YPEL1: variants seen among roughly 807,000 people sequenced by gnomAD.
The protein encoded by YPEL1 is yippee like 1.
In YPEL1, 7 loss-of-function variants were observed where a neutral mutation model predicts 17.3. That is an observed-to-expected ratio of 0.40 (90% CI 0.23 to 0.76). The LOEUF is 0.76. Ranked by LOEUF, YPEL1 falls within the 30% of genes least tolerant of loss-of-function variation. YPEL1 has a pLI of 0.35. For missense variants in YPEL1, 91 were observed against 155.5 expected (o/e 0.59, Z 2.21); for synonymous variants, 59 against 59.6 (o/e 0.99, Z 0.05).
chr22:21,714,092 G>C (rs2068197887), intron 1 of YPEL1, among the ~76,000 whole-genome samples: 1 of 150,974 alleles, frequency 6.6e-6, no homozygotes, highest in African/African-American at 2.5e-5. Flanking sequence ...CCTGTCCTGT[G>C]CCCTTCCATG....
At chr22:21,717,115 C>A (rs1223193403) in intron 1 of YPEL1, among the ~76,000 whole-genome samples, 3 of 150,742 alleles carry the variant, frequency 2.0e-5, no homozygotes, top group Non-Finnish European at 4.4e-5. Flanking sequence ...CCTGTAATCC[C>A]AGCACTTTGG....
At chr22:21,702,565 G>T (rs9622002) in intron 4 of YPEL1, among the ~76,000 whole-genome samples, 2,163 of 151,828 alleles carry the variant, frequency 0.014, 48 homozygotes, top group African/African-American at 0.049. Context: ...ACTTTGGGAG[G>T]CTGAGGTGGG....
rs867363252 is a variant in YPEL1, at chr22:21,703,522, C to G, written c.162-44G>C. ...CACTGCGCTGCAGGCCCGGCCCGCC[C>G]CTGACCAGGCCCTGCCCCCTCAGCG... On this transcript the variant is annotated intron_variant, in intron 3 of 4. Coordinates refer to ENST00000339468, the MANE Select transcript of YPEL1 (RefSeq NM_013313.5). This position sits in a 1 kb window ranked among gnomAD's most constrained non-coding sequence, Gnocchi z 6.1. The G allele has an allele frequency of 3.2e-6, 5 of 1,549,904 alleles. No individual in the cohort carries two copies. Among genetic ancestry groups the G allele is most frequent in the Non-Finnish European group, 4.4e-6 (5 of 1,134,236 alleles).
chr22:21,711,062 T>C (rs1038504866), intron 1 of YPEL1, among the ~76,000 whole-genome samples, 154 bp from the exon 2 acceptor site: 7 of 151,578 alleles, frequency 4.6e-5, no homozygotes, highest in Non-Finnish European at 5.9e-5. Context: ...CTCACTCTGT[T>C]GCCCAGGCTG....
chr22:21,709,094 TG>T (rs1233160714), intron 2 of YPEL1, among the ~76,000 whole-genome samples: 2 of 152,116 alleles, frequency 1.3e-5, no homozygotes, highest in Non-Finnish European at 2.9e-5. Context: ...AAACCATGCA[TG>T]GGGCCGGACA....
At position 21,699,534 on chromosome 22, in the gene YPEL1, T is replaced by G. The variant is rs981207865; in HGVS notation, c.*1595A>C. 2 of 152,464 alleles carry G rather than the reference T, an allele frequency of 1.3e-5. No individual in the cohort carries two copies. Among genetic ancestry groups the G allele is most frequent in the Admixed American group, 6.5e-5 (1 of 15,272 alleles). The allele number at this position is 152,464 out of a possible 1,614,324, so 9.4% of individuals were successfully genotyped here. ...GGCAGAAACACAGGCCTTAGGAGAT[T>G]GCACAGGCCCCTCTATCAGTTCAAG... On this transcript the variant is annotated 3_prime_UTR_variant, in exon 5 of 5. Transcript: ENST00000339468.
At chr22:21,727,435 C>T (rs1361637144) in intron 1 of YPEL1, among the ~76,000 whole-genome samples, 1 of 152,206 alleles carries the variant, frequency 6.6e-6, no homozygotes, top group East Asian at 1.9e-4. Flanking sequence ...GGCAATTCAC[C>T]AGGAAAATCA....
intron 1 of YPEL1, among the ~76,000 whole-genome samples, chr22:21,715,310 T>C (rs1310750077): frequency 6.6e-6 from 1 of 151,984 alleles, no homozygotes; most frequent in Non-Finnish European, 1.5e-5. Context: ...CTGGCCAACA[T>C]GGTGAAAACC....
intron 2 of YPEL1, among the ~76,000 whole-genome samples, chr22:21,706,675 G>A (rs987266175): frequency 1.3e-5 from 2 of 151,536 alleles, no homozygotes; most frequent in African/African-American, 4.9e-5. Context: ...GCAAAACCCT[G>A]TCCCTACAAA....
intron 1 of YPEL1, among the ~76,000 whole-genome samples, chr22:21,725,669 G>A (rs1041775042): frequency 2.6e-5 from 4 of 152,038 alleles, no homozygotes; most frequent in Admixed American, 6.6e-5. Flanking sequence ...ATCCTCACAC[G>A]GAGACAGCAA....
At position 21,718,783 on chromosome 22, in the gene YPEL1, T is replaced by TACAC. The variant is rs10664985; in HGVS notation, c.-164-7879_-164-7876dup. Among the ~76,000 whole-genome samples, 710 of 150,154 alleles carry TACAC rather than the reference T, an allele frequency of 4.7e-3. 1 individual carries two copies. Among genetic ancestry groups the TACAC allele is most frequent in the African/African-American group, 0.011 (439 of 41,034 alleles). ...CTGTACAAAGGTATACACGTGTAAA[T>TACAC]ACACACACACACACACACACACCAT... On this transcript the variant is annotated intron_variant, in intron 1 of 4. Coordinates refer to ENST00000339468, the MANE Select transcript of YPEL1 (RefSeq NM_013313.5).
rs533459753 is a variant in YPEL1, at chr22:21,710,969, A to G, written c.-164-61T>C. On this transcript the variant is annotated intron_variant, in intron 1 of 4. Coordinates refer to ENST00000339468, the MANE Select transcript of YPEL1 (RefSeq NM_013313.5). ...GAGAACATGCGTGTGAAGCAGGTAC[A>G]TATGGGATTCATGTGTTGTGAAGCA... 2.7e-4 allele frequency: 149 copies of G among 546,242 alleles called. No homozygotes were observed. The Admixed American group carries it at 4.0e-3, about 15-fold the overall frequency. The allele number at this position is 546,242 out of a possible 1,614,324, so 33.8% of individuals were successfully genotyped here.
At chr22:21,711,825 C>T (rs954284102) in intron 1 of YPEL1, among the ~76,000 whole-genome samples, 2 of 152,136 alleles carry the variant, frequency 1.3e-5, no homozygotes, top group African/African-American at 2.4e-5. Context: ...CTCTTGGATA[C>T]GATACCAAAA....
At chr22:21,725,935 G>A (rs1017442207) in intron 1 of YPEL1, among the ~76,000 whole-genome samples, 2 of 152,126 alleles carry the variant, frequency 1.3e-5, no homozygotes, top group African/African-American at 4.8e-5. Context: ...GGAGGTCGAG[G>A]CTATGGTGAG....
At chr22:21,730,739 C>T (rs1042879943) in intron 1 of YPEL1, among the ~76,000 whole-genome samples, 5 of 152,220 alleles carry the variant, frequency 3.3e-5, no homozygotes, top group African/African-American at 1.2e-4. Context: ...ATGGGACTCA[C>T]TGACAGCATC....
chr22:21,732,452 T>C (rs1350336208), intron 1 of YPEL1, among the ~76,000 whole-genome samples: 1 of 152,190 alleles, frequency 6.6e-6, no homozygotes, highest in Non-Finnish European at 1.5e-5. Context: ...CAAAACAATT[T>C]TGTTTATTAG....
At position 21,698,206 on chromosome 22, in the gene YPEL1, A is replaced by G. The variant is rs2068011892; in HGVS notation, c.*2923T>C. The G allele has an allele frequency of 7.0e-6, 1 of 143,724 alleles. No homozygotes were observed. The highest frequency in any genetic ancestry group is 2.2e-4 in the South Asian group (1 of 4,454). The allele number at this position is 143,724 out of a possible 1,614,324, so 8.9% of individuals were successfully genotyped here. A position where few individuals can be genotyped will look rare whatever the true frequency, so the allele number is the denominator to read the frequency against. On this transcript the variant is annotated 3_prime_UTR_variant, in exon 5 of 5. Coordinates refer to ENST00000339468, the MANE Select transcript of YPEL1 (RefSeq NM_013313.5). ...TCATTTGGTTTAAAAATGAGCTTGT[A>G]TTTTGCAGAAGCCCAACAAAAAAAA...
Position 21,703,709 on chromosome 22 carries a change from G to A in YPEL1, c.161+130C>T. 2 of 947,884 alleles carry A rather than the reference G, an allele frequency of 2.1e-6. No individual in the cohort carries two copies. The highest frequency in any genetic ancestry group is 3.3e-5 in the South Asian group (2 of 60,950). 58.7% of individuals were successfully genotyped at this position (947,884 alleles called of 1,614,324 possible). On this transcript the variant is annotated intron_variant, in intron 3 of 4. Transcript: ENST00000339468. The surrounding 1 kb of genome is among the most constrained non-coding windows in gnomAD (Gnocchi z 6.1). ...TCCTTAGCGCGTTTCAGAAACTCCCGGCGGGGGGATGGTGGGTTCTTTCAG... is the reference window on the plus strand; with the variant it reads ...TCCTTAGCGCGTTTCAGAAACTCCCAGCGGGGGGATGGTGGGTTCTTTCAG...
chr22:21,702,918 G>GA (rs1304392142), intron 4 of YPEL1, among the ~76,000 whole-genome samples: 1 of 152,294 alleles, frequency 6.6e-6, no homozygotes, highest in South Asian at 2.1e-4. Context: ...AGGTCCCTGA[G>GA]AAAGAGGGAT....
Sources: allele counts gnomAD v4.1 joint callset (sites outside exome capture counted in the v4.1 genomes callset), GRCh38; gene constraint gnomAD v4.1.1; non-coding constraint Gnocchi (gnomAD v3.1); transcripts MANE v1.5; gene names NCBI Gene and HGNC (gene_info 2026-07-23, HGNC 2026-07-21).